CMTM2: variants seen among roughly 807,000 people sequenced by gnomAD.
The protein encoded by CMTM2 is CKLF-like MARVEL transmembrane domain-containing protein 2.
In CMTM2, 15 loss-of-function variants were observed where a neutral mutation model predicts 16.8. The observed-to-expected ratio is 0.89, with a 90% confidence interval of 0.60 to 1.37. CMTM2 has a LOEUF of 1.37. Ranked by LOEUF, CMTM2 falls within the 40% of genes most tolerant of loss-of-function variation. CMTM2 has a pLI of 0.00. For synonymous variants in CMTM2, 117 were observed against 118.7 expected (o/e 0.99, Z 0.09); for missense variants, 282 against 318.0 (o/e 0.89, Z 0.86).
chr16:66,580,818 T>A (rs1226666133), intron 2 of CMTM2: 1 of 152,406 alleles, frequency 6.6e-6, no homozygotes, highest in Non-Finnish European at 1.5e-5. Context: ...CATTCAATCC[T>A]GAGGATTAAA....
At chr16:66,583,409 T>C (rs1355525637) in intron 2 of CMTM2, among the ~76,000 whole-genome samples, 1 of 151,350 alleles carries the variant, frequency 6.6e-6, no homozygotes, top group Non-Finnish European at 1.5e-5. Context: ...TGAAAATCGC[T>C]AGAACCCAGG....
chr16:66,584,874 T>C (rs1161260249), intron 2 of CMTM2, among the ~76,000 whole-genome samples: 1 of 151,966 alleles, frequency 6.6e-6, no homozygotes, highest in Non-Finnish European at 1.5e-5. Context: ...GGAGGATCAC[T>C]TGAGTCCAGG....
chr16:66,579,970 C>G lies in CMTM2; in HGVS notation c.286-56C>G. On this transcript the variant is annotated intron_variant, in intron 1 of 3. Coordinates refer to ENST00000268595, the MANE Select transcript of CMTM2 (RefSeq NM_144673.3). The surrounding 1 kb of genome is among the most constrained non-coding windows in gnomAD (Gnocchi z 6.5). The stretch of plus-strand genomic sequence containing the variant: ...AGGAGGAGTAGGCTCCAGGGGTCCT[C>G]AGAGAGATGGTGAAAGGCCCTTGCT... The G allele has an allele frequency of 6.2e-7, 1 of 1,612,334 alleles. No homozygotes were observed. The highest frequency in any genetic ancestry group is 8.5e-7 in the Non-Finnish European group (1 of 1,179,032).
chr16:66,586,954 G>C, intron 2 of CMTM2, 43 bp from the exon 3 acceptor site: 1 of 1,393,560 alleles, frequency 7.2e-7, no homozygotes, highest in Non-Finnish European at 1.0e-6. Flanking sequence ...TGTTGATGGG[G>C]ACCCTGGCTT....
intron 2 of CMTM2, among the ~76,000 whole-genome samples, chr16:66,581,927 T>C (rs976746502): frequency 6.6e-6 from 1 of 151,664 alleles, no homozygotes; most frequent in Admixed American, 6.6e-5. Flanking sequence ...CTTGGACTCC[T>C]GATAGAAACA....
chr16:66,586,075 G>A (rs2144705605), intron 2 of CMTM2, among the ~76,000 whole-genome samples: 1 of 152,286 alleles, frequency 6.6e-6, no homozygotes, highest in South Asian at 2.1e-4. Flanking sequence ...GGTATGGGGA[G>A]GGCGAGACTG....
rs370543135 is a variant in CMTM2, at chr16:66,579,773, G to A, written c.166G>A (p.Val56Met). 6.2e-7 allele frequency: 1 copy of A among 1,614,014 alleles called. No homozygotes were observed. The highest frequency in any genetic ancestry group is 8.5e-7 in the Non-Finnish European group (1 of 1,180,048). ...KEPSDKPQKA[V>M]QPKHEVGTRR... Reference sequence around the variant, plus strand: ...GCCATCGGACAAACCTCAAAAGGCGGTGCAGCCCAAGCACGAAGTGGGCAC... The same window carrying A: ...GCCATCGGACAAACCTCAAAAGGCGATGCAGCCCAAGCACGAAGTGGGCAC... Residue 56 changes from valine to methionine, a missense_variant, in exon 1 of 4, where the codon GTG becomes ATG. Coordinates refer to ENST00000268595, the MANE Select transcript of CMTM2 (RefSeq NM_144673.3). The surrounding 1 kb of genome is among the most constrained non-coding windows in gnomAD (Gnocchi z 6.5).
rs2014815431 is a variant in CMTM2 at position 66,588,025 on chromosome 16, G to GA, written c.656dup (p.Glu220GlyfsTer76). On this transcript the variant is annotated frameshift_variant, in exon 4 of 4. Transcript: ENST00000268595. LOFTEE classifies it low-confidence loss of function (END_TRUNC). ...AAGCATATGCTGGTTCCTCCTCCAG[G>GA]AAAGGAAAAAGGACCCCAGCAGGGC... The GA allele has an allele frequency of 4.3e-6, 7 of 1,613,872 alleles. No homozygotes were observed. Among genetic ancestry groups the GA allele is most frequent in the Admixed American group, 1.7e-5 (1 of 59,998 alleles).
rs2014695922 is a variant in CMTM2 at position 66,579,956 on chromosome 16, G to T, written c.285+64G>T. On this transcript the variant is annotated intron_variant, in intron 1 of 3. Transcript: ENST00000268595. This position sits in a 1 kb window ranked among gnomAD's most constrained non-coding sequence, Gnocchi z 6.5. Reference sequence around the variant, plus strand: ...CGAGGGTGGGGGGAAGGAGGAGTAGGCTCCAGGGGTCCTCAGAGAGATGGT... The same window carrying T: ...CGAGGGTGGGGGGAAGGAGGAGTAGTCTCCAGGGGTCCTCAGAGAGATGGT... The T allele has an allele frequency of 1.2e-6, 2 of 1,610,362 alleles. No homozygotes were observed. The highest frequency in any genetic ancestry group is 1.7e-5 in the Admixed American group (1 of 59,832).
intron 2 of CMTM2, among the ~76,000 whole-genome samples, chr16:66,585,481 C>T (rs1262921974): frequency 6.6e-6 from 1 of 152,132 alleles, no homozygotes; most frequent in Non-Finnish European, 1.5e-5. Flanking sequence ...AGGTAGGATA[C>T]TTTTTATTTA....
intron 2 of CMTM2, among the ~76,000 whole-genome samples, chr16:66,583,856 C>T (rs894393373): frequency 6.6e-6 from 1 of 152,132 alleles, no homozygotes; most frequent in South Asian, 2.1e-4. Flanking sequence ...TTGGTACTAG[C>T]TCAGGGATTG....
At chr16:66,580,257 C>A in intron 2 of CMTM2, 73 bp downstream of exon 2, 2 of 1,509,972 alleles carry the variant, frequency 1.3e-6, no homozygotes, top group South Asian at 1.2e-5. Flanking sequence ...TGGAAAGTCA[C>A]CAAACAGAGA....
rs2014700574 is a variant in CMTM2 at position 66,580,090 on chromosome 16, T to C, written c.350T>C (p.Ile117Thr). The change falls in exon 2 of 4, where the codon ATC (isoleucine) becomes ACC (threonine). Residue 117 changes from isoleucine to threonine, a missense_variant. By Grantham distance (89) the Ile-to-Thr change is moderately conservative (BLOSUM62 -1). Coordinates refer to ENST00000268595, the MANE Select transcript of CMTM2 (RefSeq NM_144673.3). Reference protein sequence around the residue: ...SLTVHPILRLIITMEISFFSF... With the variant: ...SLTVHPILRLTITMEISFFSF... Reference sequence around the variant, plus strand: ...ACCGTGCACCCCATCTTGAGGCTTATCATCACCATGGAGATATCCTTCTTC... The same window carrying C: ...ACCGTGCACCCCATCTTGAGGCTTACCATCACCATGGAGATATCCTTCTTC... 3 of 1,614,186 alleles carry C rather than the reference T, an allele frequency of 1.9e-6. No individual in the cohort carries two copies. Among genetic ancestry groups the C allele is most frequent in the Non-Finnish European group, 2.5e-6 (3 of 1,180,020 alleles).
rs146637368 is a variant in CMTM2 at position 66,579,864 on chromosome 16, G to T, written c.257G>T (p.Gly86Val). 1,376 of 1,613,948 alleles carry T rather than the reference G, an allele frequency of 8.5e-4. 2 individuals carry two copies. The highest frequency in any genetic ancestry group is 9.9e-4 in the Non-Finnish European group (1,173 of 1,179,986). ...KDSNKEFWLLGHAEIKIRSLG... is the reference protein window; with the variant it reads ...KDSNKEFWLLVHAEIKIRSLG... ...AGCAATAAAGAGTTCTGGCTCTTGG[G>T]GCACGCTGAGATCAAGATTCGGAGT... Residue 86 changes from glycine (G) to valine (V), a missense_variant, in exon 1 of 4, where the codon GGG becomes GTG. Transcript: ENST00000268595. The surrounding 1 kb of genome is among the most constrained non-coding windows in gnomAD (Gnocchi z 6.5).
At chr16:66,584,001 G>A (rs2014763742) in intron 2 of CMTM2, among the ~76,000 whole-genome samples, 1 of 152,152 alleles carries the variant, frequency 6.6e-6, no homozygotes, top group African/African-American at 2.4e-5. Context: ...GGTTAAATGA[G>A]GTCAGAACAT....
At chr16:66,582,801 G>A (rs2014750666) in intron 2 of CMTM2, among the ~76,000 whole-genome samples, 1 of 152,178 alleles carries the variant, frequency 6.6e-6, no homozygotes, top group South Asian at 2.1e-4. Context: ...ATGAACCCGG[G>A]AGGCAGAGCT....
Position 66,579,908 on chromosome 16 carries a change from A to G in CMTM2, c.285+16A>G. The G allele has an allele frequency of 6.4e-7, 1 of 1,551,834 alleles. No homozygotes were observed. Among genetic ancestry groups the G allele is most frequent in the Non-Finnish European group, 8.9e-7 (1 of 1,129,808 alleles). ...TCGGAGTTTGGTGAGCTAAACTGGTATCCCTGGGTGGGGGGCCTTGGCCGA... is the reference window on the plus strand; with the variant it reads ...TCGGAGTTTGGTGAGCTAAACTGGTGTCCCTGGGTGGGGGGCCTTGGCCGA... On this transcript the variant is annotated intron_variant, in intron 1 of 3. Transcript: ENST00000268595. This position sits in a 1 kb window ranked among gnomAD's most constrained non-coding sequence, Gnocchi z 6.5.
intron 2 of CMTM2, among the ~76,000 whole-genome samples, chr16:66,584,844 C>A (rs2014774579): frequency 6.6e-6 from 1 of 152,108 alleles, no homozygotes; most frequent in Admixed American, 6.6e-5. Flanking sequence ...ATAATCCCGA[C>A]ACTTTGGGAG....
At position 66,587,111 on chromosome 16, in the gene CMTM2, A is replaced by G; in HGVS notation, c.546+13A>G. On this transcript the variant is annotated intron_variant, in intron 3 of 3. Coordinates refer to ENST00000268595, the MANE Select transcript of CMTM2 (RefSeq NM_144673.3). ...CTTACTTGCTGTGGTGAGTCTTTCC[A>G]TGCTGGGCCTTGCATTTGCTCTGAA... The G allele has an allele frequency of 6.3e-7, 1 of 1,598,680 alleles. No individual in the cohort carries two copies. Among genetic ancestry groups the G allele is most frequent in the Non-Finnish European group, 8.6e-7 (1 of 1,166,004 alleles).
Sources: allele counts gnomAD v4.1 joint callset (sites outside exome capture counted in the v4.1 genomes callset), GRCh38; gene constraint gnomAD v4.1.1; non-coding constraint Gnocchi (gnomAD v3.1); transcripts MANE v1.5; gene names NCBI Gene and HGNC (gene_info 2026-07-23, HGNC 2026-07-21).